The following ANKRD22 variants were observed in gnomAD, a reference collection of about 807,000 sequenced individuals.
ANKRD22 encodes the protein ankyrin repeat domain 22.
ANKRD22 carries 24 observed loss-of-function variants against 25.7 expected under a neutral mutation model. That is an observed-to-expected ratio of 0.93 (90% CI 0.68 to 1.31). The LOEUF (loss-of-function observed/expected upper bound fraction) is 1.31, where lower values mean the gene tolerates loss of function less well. ANKRD22 is among the 50% of genes most tolerant of loss of function. ANKRD22 has a pLI of 0.00. For missense variants in ANKRD22, 214 were observed against 227.1 expected (o/e 0.94, Z 0.37); for synonymous variants, 84 against 84.3 (o/e 1.00, Z 0.02).
chr10:88,847,295 G>C (rs1358332963), intron 1 of ANKRD22, among the ~76,000 whole-genome samples: 1 of 151,828 alleles, frequency 6.6e-6, no homozygotes, highest in Non-Finnish European at 1.5e-5. Flanking sequence ...GACTCACTCT[G>C]TTGCCCAGGC....
intron 1 of ANKRD22, among the ~76,000 whole-genome samples, chr10:88,834,906 G>A (rs528973989): frequency 6.6e-6 from 1 of 151,994 alleles, no homozygotes; most frequent in Non-Finnish European, 1.5e-5. Flanking sequence ...TCCAGCCTGG[G>A]CGACACAGCG....
chr10:88,825,590 A>T (rs11817978), intron 4 of ANKRD22, among the ~76,000 whole-genome samples: 1 of 152,218 alleles, frequency 6.6e-6, no homozygotes, highest in African/African-American at 2.4e-5. Context: ...AGTGCTTTAC[A>T]TGAACAAGCC....
At position 88,831,909 on chromosome 10, in the gene ANKRD22, C is replaced by T. The variant is rs1230342078; in HGVS notation, c.139G>A (p.Ala47Thr). Reference protein sequence around the residue: ...GFNGDTPLICACRRGHVRIVS... With the variant: ...GFNGDTPLICTCRRGHVRIVS... ...ATTCTCACATGCCCTCGCCTGCAAGCACAGATCAGGGGCGTGTCTCCATTA... is the reference window on the plus strand; with the variant it reads ...ATTCTCACATGCCCTCGCCTGCAAGTACAGATCAGGGGCGTGTCTCCATTA... Residue 47 changes from alanine (A) to threonine (T), a missense_variant, in exon 2 of 6, where the codon GCT (alanine) becomes ACT (threonine). Physicochemically the swap from Ala to Thr is moderately conservative, Grantham distance 58 (BLOSUM62 0). Coordinates refer to ENST00000371930, the MANE Select transcript of ANKRD22 (RefSeq NM_144590.3). 3.7e-6 allele frequency: 6 copies of T among 1,613,598 alleles called. No homozygotes were observed. The highest frequency in any genetic ancestry group is 5.1e-6 in the Non-Finnish European group (6 of 1,179,836).
Position 88,850,647 on chromosome 10 carries a change from C to A in ANKRD22, c.21+940G>T, listed in dbSNP as rs778163404. On this transcript the variant is annotated intron_variant, in intron 1 of 5. Coordinates refer to ENST00000371930, the MANE Select transcript of ANKRD22 (RefSeq NM_144590.3). ...TAAAGTTTGAGAGTTACCAGAGTAG[C>A]ATTTAAAAGCACTATATGTTTTGTC... Among the ~76,000 whole-genome samples, 6 of 152,156 alleles carry A rather than the reference C, an allele frequency of 3.9e-5. No homozygotes were observed. In the South Asian group the frequency reaches 6.2e-4, roughly 16 times the overall value.
chr10:88,823,433 T>C (rs1843821402), intron 4 of ANKRD22, 55 bp from the exon 5 acceptor site: 9 of 1,297,870 alleles, frequency 6.9e-6, no homozygotes, highest in Admixed American at 3.4e-5. Flanking sequence ...CCACAGACCA[T>C]AGCATGTGGC....
chr10:88,827,738 G>A lies in ANKRD22; in HGVS notation c.321+821C>T, dbSNP rs1023161750. On this transcript the variant is annotated intron_variant, in intron 3 of 5. Transcript: ENST00000371930. Reference sequence around the variant, plus strand: ...CCAATGAAATAATAACATTTTTGACGGGCAGACTTGTTCTGCGGCTGATGT... The same window carrying A: ...CCAATGAAATAATAACATTTTTGACAGGCAGACTTGTTCTGCGGCTGATGT... Among the ~76,000 whole-genome samples the A allele has an allele frequency of 5.3e-5, 8 of 151,888 alleles. No individual in the cohort carries two copies. In the South Asian group the frequency reaches 6.2e-4, roughly 12 times the overall value.
At chr10:88,833,948 T>C (rs1295385588) in intron 1 of ANKRD22, among the ~76,000 whole-genome samples, 1 of 152,212 alleles carries the variant, frequency 6.6e-6, no homozygotes, top group Non-Finnish European at 1.5e-5. Flanking sequence ...CCGGTGACTG[T>C]GGACAATTCA....
intron 4 of ANKRD22, among the ~76,000 whole-genome samples, chr10:88,824,912 G>A (rs1247579581): frequency 6.6e-6 from 1 of 151,716 alleles, no homozygotes; most frequent in Non-Finnish European, 1.5e-5. Flanking sequence ...CACAGTAACT[G>A]TCAATACAAA....
intron 3 of ANKRD22, 82 bp downstream of exon 3, chr10:88,828,477 C>T: frequency 9.5e-7 from 1 of 1,052,022 alleles, no homozygotes; most frequent in Non-Finnish European, 1.4e-6. Context: ...TTCTTTTCAA[C>T]ATCTCACTGG....
intron 1 of ANKRD22, among the ~76,000 whole-genome samples, chr10:88,839,355 T>C (rs1366163196): frequency 1.3e-5 from 2 of 152,174 alleles, no homozygotes; most frequent in African/African-American, 4.8e-5. Context: ...CTATGACTTT[T>C]ACCTGGTTTT....
At position 88,823,553 on chromosome 10, in the gene ANKRD22, C is replaced by T. The variant is rs1843822338; in HGVS notation, c.400-175G>A. The T allele has an allele frequency of 1.8e-5, 10 of 556,532 alleles. No individual in the cohort carries two copies. The East Asian group carries it at 2.2e-4, about 12-fold the overall frequency. 34.5% of individuals were successfully genotyped at this position (556,532 alleles called of 1,614,324 possible). A position where few individuals can be genotyped will look rare whatever the true frequency, so the allele number is the denominator to read the frequency against. ...AGTACTTAAAAAATTTTTCGCCGGG[C>T]GCGGTGGCTCACGCCTGTAATCCCA... On this transcript the variant is annotated intron_variant, in intron 4 of 5. Transcript: ENST00000371930.
chr10:88,823,036 TAC>T lies in ANKRD22; in HGVS notation c.499-20_499-19del, dbSNP rs756272651. On this transcript the variant is annotated intron_variant, in intron 5 of 5. Transcript: ENST00000371930. ...TCACCATGCTGAGGGGGGAAAAATA[TAC>T]AGTTATTTCCAATAGAGTGCCCAAG... The T allele has an allele frequency of 2.5e-6, 4 of 1,606,552 alleles. No individual in the cohort carries two copies. The highest frequency in any genetic ancestry group is 1.3e-5 in the African/African-American group (1 of 74,814).
At chr10:88,824,379 A>G (rs1843833863) in intron 4 of ANKRD22, among the ~76,000 whole-genome samples, 1 of 152,226 alleles carries the variant, frequency 6.6e-6, no homozygotes, top group Admixed American at 6.5e-5. Flanking sequence ...TCTGGATCCC[A>G]TTCCCTAGAA....
intron 1 of ANKRD22, among the ~76,000 whole-genome samples, chr10:88,843,891 G>A (rs1379604546): frequency 6.6e-6 from 1 of 152,144 alleles, no homozygotes; most frequent in East Asian, 1.9e-4. Flanking sequence ...TTTAGGTCAG[G>A]GAAGCTATCA....
At chr10:88,839,126 G>C (rs1358911123) in intron 1 of ANKRD22, among the ~76,000 whole-genome samples, 1 of 152,026 alleles carries the variant, frequency 6.6e-6, no homozygotes, top group Non-Finnish European at 1.5e-5. Context: ...CTGTCTTCTG[G>C]CCTTTACACT....
chr10:88,851,300 A>T (rs532810792), intron 1 of ANKRD22, among the ~76,000 whole-genome samples: 32 of 152,280 alleles, frequency 2.1e-4, no homozygotes, highest in Non-Finnish European at 4.3e-4. Flanking sequence ...CTCAAACTCG[A>T]TTTTGTCCAA....
chr10:88,823,089 G>T, intron 5 of ANKRD22, 71 bp from the exon 6 acceptor site: 1 of 1,465,214 alleles, frequency 6.8e-7, no homozygotes, highest in Non-Finnish European at 9.5e-7. Context: ...TAGACCAATT[G>T]ACTCTCTGTG....
intron 1 of ANKRD22, among the ~76,000 whole-genome samples, chr10:88,834,261 CAATACTATTATTTCAT>C (rs1167402951): frequency 1.3e-5 from 2 of 152,108 alleles, no homozygotes; most frequent in Non-Finnish European, 2.9e-5. Context: ...GTATTTAAAA[CAATACTATTATTTCAT>C]AAAAGATATT....
At chr10:88,826,173 G>T (rs1256743652) in intron 3 of ANKRD22, 58 bp from the exon 4 acceptor site, 1 of 1,392,070 alleles carries the variant, frequency 7.2e-7, no homozygotes, top group Non-Finnish European at 1.0e-6. Flanking sequence ...TCCAATTTAT[G>T]CCTGAGACTA....
Sources: allele counts gnomAD v4.1 joint callset (sites outside exome capture counted in the v4.1 genomes callset), GRCh38; gene constraint gnomAD v4.1.1; transcripts MANE v1.5; gene names NCBI Gene and HGNC (gene_info 2026-07-23, HGNC 2026-07-21).